RGS6: variants seen among roughly 807,000 people sequenced by gnomAD.
RGS6 encodes regulator of G-protein signaling 6.
Under a neutral mutation model 78.5 loss-of-function variants are expected in RGS6, and 30 were observed. That is an observed-to-expected ratio of 0.38 (90% CI 0.29 to 0.52). RGS6 has a LOEUF of 0.52. Among genes scored for constraint, RGS6 ranks in the 20% least tolerant of loss-of-function variants. The pLI is 0.85. For missense variants in RGS6, 495 were observed against 609.7 expected (o/e 0.81, Z 1.98); for synonymous variants, 206 against 206.0 (o/e 1.00, Z 0.00).
At chr14:71,872,306 C>T in the RGS6 span, among the ~76,000 whole-genome samples, 4 of 151,528 alleles carry the variant, frequency 2.6e-5, no homozygotes, top group African/African-American at 7.2e-5. Flanking sequence ...TACCCTCTTG[C>T]CTATGGTACA....
Position 72,194,216 on chromosome 14 carries a change from A to G in RGS6, c.85-157879A>G, listed in dbSNP as rs574222472. Reference sequence around the variant, plus strand: ...TGCTGTACCAGTTGTGGGCTAGGAAAGAAAGCAGTGTGGGTCAAGCATCAC... The same window carrying G: ...TGCTGTACCAGTTGTGGGCTAGGAAGGAAAGCAGTGTGGGTCAAGCATCAC... On this transcript the variant is annotated intron_variant, in intron 2 of 17. Coordinates refer to ENST00000553525, the MANE Select transcript of RGS6 (RefSeq NM_001204424.2). Among the ~76,000 whole-genome samples, 7 of 152,262 alleles carry G rather than the reference A, an allele frequency of 4.6e-5. No individual in the cohort carries two copies. In the East Asian group the frequency reaches 1.4e-3, roughly 29 times the overall value.
chr14:72,115,180 G>C (rs146378949), intron 2 of RGS6, among the ~76,000 whole-genome samples: 3 of 152,110 alleles, frequency 2.0e-5, no homozygotes, highest in Non-Finnish European at 4.4e-5. Context: ...CAACCCTAGC[G>C]CTCGCTCAGG....
chr14:72,449,019 C>A (rs1334929333), intron 3 of RGS6, among the ~76,000 whole-genome samples: 1 of 152,176 alleles, frequency 6.6e-6, no homozygotes, highest in Admixed American at 6.5e-5. Flanking sequence ...AATGTCACTC[C>A]GCCTTCATAA....
intron 2 of RGS6, among the ~76,000 whole-genome samples, chr14:72,154,466 A>G (rs933886973): frequency 6.6e-6 from 1 of 152,188 alleles, no homozygotes; most frequent in African/African-American, 2.4e-5. Context: ...AATCTTCACA[A>G]TTTATGTTCC....
intron 2 of RGS6, among the ~76,000 whole-genome samples, chr14:72,048,081 C>T (rs1460621948): frequency 1.3e-5 from 2 of 151,910 alleles, no homozygotes; most frequent in Non-Finnish European, 2.9e-5. Context: ...AGAAATTTCC[C>T]AGGCAAAGTG....
intron 2 of RGS6, among the ~76,000 whole-genome samples, chr14:72,258,071 T>G (rs569053611): frequency 6.6e-6 from 1 of 152,320 alleles, no homozygotes; most frequent in East Asian, 1.9e-4. Context: ...AGCAGAGTTT[T>G]GTATACAGCA....
chr14:72,196,793 T>C (rs1448533624), intron 2 of RGS6, among the ~76,000 whole-genome samples: 2 of 152,250 alleles, frequency 1.3e-5, no homozygotes, highest in African/African-American at 4.8e-5. Flanking sequence ...TCTGGGCTTC[T>C]GTTCTCCTGA....
intron 2 of RGS6, among the ~76,000 whole-genome samples, chr14:72,006,792 C>G (rs1178495791): frequency 6.6e-6 from 1 of 152,132 alleles, no homozygotes; most frequent in African/African-American, 2.4e-5. Flanking sequence ...CACATTGGTA[C>G]TAGAGGTGCA....
At chr14:72,052,959 TTCTTTCTTTCTTTCTTTCTTTCTTTCTC>T (rs1370735302) in intron 2 of RGS6, among the ~76,000 whole-genome samples, 2 of 41,726 alleles carry the variant, frequency 4.8e-5, no homozygotes, top group Non-Finnish European at 7.8e-5. Flanking sequence ...CTTTCTTTCT[TTCTTTCTTTCTTTCTTTCTTTCTTTCTC>T]TCTCTCTCTC....
At chr14:72,259,636 G>A (rs1388708542) in intron 2 of RGS6, among the ~76,000 whole-genome samples, 3 of 152,126 alleles carry the variant, frequency 2.0e-5, no homozygotes, top group Non-Finnish European at 2.9e-5. Flanking sequence ...GGCCGGGCGC[G>A]GTGGCTCACG....
chr14:72,488,498 A>G (rs1310067461), intron 12 of RGS6, among the ~76,000 whole-genome samples: 2 of 152,174 alleles, frequency 1.3e-5, no homozygotes, highest in African/African-American at 2.4e-5. Flanking sequence ...CCACTTCTCT[A>G]ATGATATTCC....
At chr14:72,037,254 C>T (rs927500167) in intron 2 of RGS6, among the ~76,000 whole-genome samples, 1 of 152,212 alleles carries the variant, frequency 6.6e-6, no homozygotes, top group East Asian at 1.9e-4. Flanking sequence ...CCAGCAGCAG[C>T]AACCTGCTCG....
chr14:72,563,193 G>GTT lies in RGS6; in HGVS notation c.*727_*728dup, dbSNP rs1426645990. 1 of 191,210 alleles carries GTT rather than the reference G, an allele frequency of 5.2e-6. No homozygotes were observed. Among genetic ancestry groups the GTT allele is most frequent in the Admixed American group, 5.3e-5 (1 of 18,816 alleles). 11.8% of individuals were successfully genotyped at this position (191,210 alleles called of 1,614,324 possible). A position where few individuals can be genotyped will look rare whatever the true frequency, so the allele number is the denominator to read the frequency against. ...AGGGTCCAGCGTTCGAGGAAGCACT[G>GTT]TTGTAGATGACAGAGCTTTTTGTTT... is the stretch of plus-strand genomic sequence containing the variant. On this transcript the variant is annotated 3_prime_UTR_variant, in exon 18 of 18. Transcript: ENST00000553525.
At chr14:71,876,242 G>A in the RGS6 span, among the ~76,000 whole-genome samples, 1 of 152,008 alleles carries the variant, frequency 6.6e-6, no homozygotes, top group Non-Finnish European at 1.5e-5. Flanking sequence ...GTTGACAGTG[G>A]GGTGTTAAAG....
At chr14:72,469,793 A>C (rs2096022795) in intron 7 of RGS6, 2 of 474,458 alleles carry the variant, frequency 4.2e-6, no homozygotes, top group African/African-American at 2.0e-5. Flanking sequence ...GAGACTTCAG[A>C]CTTAATGGGT....
At chr14:72,531,115 C>A (rs563029179) in intron 15 of RGS6, among the ~76,000 whole-genome samples, 1 of 152,292 alleles carries the variant, frequency 6.6e-6, no homozygotes, top group African/African-American at 2.4e-5. Context: ...TACGTCTGGA[C>A]TATCCAAGTA....
intron 2 of RGS6, among the ~76,000 whole-genome samples, chr14:72,289,177 T>C (rs532244342): frequency 6.6e-6 from 1 of 152,308 alleles, no homozygotes; most frequent in African/African-American, 2.4e-5. Context: ...TAGATCCTCA[T>C]CTTTGTATTT....
At chr14:72,043,175 A>G (rs1442428375) in intron 2 of RGS6, among the ~76,000 whole-genome samples, 1 of 151,926 alleles carries the variant, frequency 6.6e-6, no homozygotes, top group Non-Finnish European at 1.5e-5. Context: ...TGTGGTAAAT[A>G]TTTTCCCCTG....
At chr14:72,106,891 C>G (rs901065826) in intron 2 of RGS6, among the ~76,000 whole-genome samples, 1 of 152,022 alleles carries the variant, frequency 6.6e-6, no homozygotes, top group African/African-American at 2.4e-5. Flanking sequence ...TTAGTCCTGT[C>G]CTTTTGCTAA....
Sources: allele counts gnomAD v4.1 joint callset (sites outside exome capture counted in the v4.1 genomes callset), GRCh38; gene constraint gnomAD v4.1.1; transcripts MANE v1.5; gene names NCBI Gene and HGNC (gene_info 2026-07-23, HGNC 2026-07-21).